MGST1: variants seen among roughly 807,000 people sequenced by gnomAD.
MGST1 encodes glutathione S-transferase 12.
In MGST1, 5 loss-of-function variants were observed where a neutral mutation model predicts 8.9. The observed-to-expected ratio is 0.56, with a 90% CI of 0.29 to 1.19. The LOEUF is 1.19. MGST1 is among the 50% of genes most tolerant of loss of function. The pLI, the probability that MGST1 is intolerant of heterozygous loss-of-function variation, is 0.08. For missense variants in MGST1, 182 were observed against 187.4 expected (o/e 0.97, Z 0.17); for synonymous variants, 54 against 67.8 (o/e 0.80, Z 1.00).
At chr12:16,408,243 G>A (rs540243862) in intron 1 of MGST1, among the ~76,000 whole-genome samples, 1 of 151,866 alleles carries the variant, frequency 6.6e-6, no homozygotes, top group African/African-American at 2.4e-5. Context: ...AGGAGGGAGA[G>A]AAGCAAAAAA....
chr12:16,421,163 G>C (rs984754630), intron 1 of MGST1, among the ~76,000 whole-genome samples: 1 of 152,132 alleles, frequency 6.6e-6, no homozygotes, highest in African/African-American at 2.4e-5. Flanking sequence ...ACCCGTGGCT[G>C]CTGCACATAT....
chr12:16,469,095 G>T (rs1941274608), intron 4 of MGST1, among the ~76,000 whole-genome samples: 1 of 151,672 alleles, frequency 6.6e-6, no homozygotes, highest in Non-Finnish European at 1.5e-5. Context: ...CATTTTATTT[G>T]AGTGAGATTG....
chr12:16,399,532 A>C, intron 1 of MGST1: 1 of 1,561,102 alleles, frequency 6.4e-7, no homozygotes, highest in Non-Finnish European at 8.8e-7. Flanking sequence ...GCTTCTGATG[A>C]ATAATCTTCA....
intron 4 of MGST1, among the ~76,000 whole-genome samples, chr12:16,565,885 T>G (rs1942579633): frequency 6.7e-6 from 1 of 149,944 alleles, no homozygotes; most frequent in Non-Finnish European, 1.5e-5. Flanking sequence ...TGAAGAGATA[T>G]CTGCACTCTC....
chr12:16,480,929 A>C (rs1489533419), intron 4 of MGST1, among the ~76,000 whole-genome samples: 1 of 152,216 alleles, frequency 6.6e-6, no homozygotes, highest in East Asian at 1.9e-4. Context: ...AAACAAAAAA[A>C]CAAAAAATTA....
At chr12:16,457,331 T>C (rs1297328641) in intron 4 of MGST1, among the ~76,000 whole-genome samples, 1 of 151,920 alleles carries the variant, frequency 6.6e-6, no homozygotes, top group Non-Finnish European at 1.5e-5. Flanking sequence ...AACTTAGGAG[T>C]GTGCTCTAAA....
At position 16,458,933 on chromosome 12, in the gene MGST1, A is replaced by T. The variant is rs1941198913; in HGVS notation, n.482+75329A>T. On this transcript the variant is annotated intron_variant and non_coding_transcript_variant, in intron 4 of 4. Transcript: ENST00000538857. The surrounding 1 kb of genome is among the most constrained non-coding windows in gnomAD (Gnocchi z 4.0). Reference sequence around the variant, plus strand: ...GCTGAGAGCAGGGAATTCTTACAGAAATCTAAGTAGTTCCAAGCTATCTGA... The same window carrying T: ...GCTGAGAGCAGGGAATTCTTACAGATATCTAAGTAGTTCCAAGCTATCTGA... Among the ~76,000 whole-genome samples the T allele has an allele frequency of 1.3e-5, 2 of 152,014 alleles. No individual in the cohort carries two copies. Among genetic ancestry groups the T allele is most frequent in the South Asian group, 4.1e-4 (2 of 4,820 alleles).
intron 4 of MGST1, among the ~76,000 whole-genome samples, chr12:16,570,676 C>T (rs566256033): frequency 1.2e-4 from 18 of 152,236 alleles, no homozygotes; most frequent in South Asian, 2.1e-4. Context: ...GAAACACGAA[C>T]GAGTGATTGG....
intron 1 of MGST1, among the ~76,000 whole-genome samples, chr12:16,403,089 G>T (rs1402926232): frequency 6.6e-6 from 1 of 151,450 alleles, no homozygotes; most frequent in Non-Finnish European, 1.5e-5. Flanking sequence ...ATCATTTTTA[G>T]CCTTTCAACT....
chr12:16,531,860 A>G (rs1481345497), intron 4 of MGST1, among the ~76,000 whole-genome samples: 2 of 152,166 alleles, frequency 1.3e-5, no homozygotes, highest in African/African-American at 4.8e-5. Context: ...ATCAGTATAA[A>G]GAGCAAGTAT....
intron 3 of MGST1, among the ~76,000 whole-genome samples, chr12:16,372,631 G>T (rs549749838): frequency 3.9e-5 from 6 of 151,992 alleles, no homozygotes; most frequent in African/African-American, 1.4e-4. Flanking sequence ...ATTTCTCAAA[G>T]AATTAAAAAT....
At chr12:16,488,553 G>T (rs1050115797) in intron 4 of MGST1, among the ~76,000 whole-genome samples, 4 of 151,932 alleles carry the variant, frequency 2.6e-5, no homozygotes, top group Non-Finnish European at 5.9e-5. Context: ...AGTCTTTCTT[G>T]TTTACTTTCC....
intron 3 of MGST1, among the ~76,000 whole-genome samples, chr12:16,372,902 A>G (rs1940318530): frequency 1.4e-5 from 2 of 140,958 alleles, no homozygotes; most frequent in South Asian, 4.5e-4. Context: ...AGTATATTAT[A>G]TATTACATAT....
Position 16,587,273 on chromosome 12 carries a change from C to T in MGST1, n.483-2255C>T, listed in dbSNP as rs1442937828. On this transcript the variant is annotated intron_variant and non_coding_transcript_variant, in intron 4 of 4. Coordinates refer to the MGST1 transcript ENST00000538857. This position sits in a 1 kb window ranked among gnomAD's most constrained non-coding sequence, Gnocchi z 4.3. Reference sequence around the variant, plus strand: ...CATTTTAAGAAAATCACTGGGTGTGCCTAGGATCCAATGCTAACAATTTGT... The same window carrying T: ...CATTTTAAGAAAATCACTGGGTGTGTCTAGGATCCAATGCTAACAATTTGT... Among the ~76,000 whole-genome samples the T allele has an allele frequency of 6.6e-6, 1 of 152,104 alleles. No homozygotes were observed. The highest frequency in any genetic ancestry group is 1.5e-5 in the Non-Finnish European group (1 of 68,010).
chr12:16,414,520 A>G (rs1022640125), intron 1 of MGST1, among the ~76,000 whole-genome samples: 1 of 151,554 alleles, frequency 6.6e-6, no homozygotes, highest in African/African-American at 2.4e-5. Flanking sequence ...GGTTCACACC[A>G]TTCTCCTGCC....
Position 16,526,142 on chromosome 12 carries a change from A to C in MGST1, n.483-63386A>C, listed in dbSNP as rs1388276118. Among the ~76,000 whole-genome samples, 4 of 149,258 alleles carry C rather than the reference A, an allele frequency of 2.7e-5. No homozygotes were observed. In the East Asian group the frequency reaches 5.9e-4, roughly 22 times the overall value. On this transcript the variant is annotated intron_variant and non_coding_transcript_variant, in intron 4 of 4. Transcript: ENST00000538857. ...TTCTTTTGCTGTGCAGAAGCTCTTT[A>C]GTTTAATTAGATCCCATTTGTCAAT...
At chr12:16,502,646 A>G (rs1207595349) in intron 4 of MGST1, among the ~76,000 whole-genome samples, 1 of 152,216 alleles carries the variant, frequency 6.6e-6, no homozygotes, top group Non-Finnish European at 1.5e-5. Context: ...GTACGTATCA[A>G]AAAACACTGA....
Position 16,560,663 on chromosome 12 carries a change from G to T in MGST1, n.483-28865G>T. ...ACAATGCTTTATGATGTACACAAGT[G>T]GATTTTATCCTAGGTGTATGCATAA... On this transcript the variant is annotated intron_variant and non_coding_transcript_variant, in intron 4 of 4. Coordinates refer to the MGST1 transcript ENST00000538857. This position sits in a 1 kb window ranked among gnomAD's most constrained non-coding sequence, Gnocchi z 5.0. 1.2e-6 allele frequency: 1 copy of T among 832,636 alleles called. No individual in the cohort carries two copies. The highest frequency in any genetic ancestry group is 1.9e-6 in the Non-Finnish European group (1 of 530,212). 51.6% of individuals were successfully genotyped at this position (832,636 alleles called of 1,614,324 possible).
At chr12:16,359,443 T>TAG (rs1939886744) in intron 3 of MGST1, among the ~76,000 whole-genome samples, 1 of 152,218 alleles carries the variant, frequency 6.6e-6, no homozygotes, top group Non-Finnish European at 1.5e-5. Context: ...CTATCTCACT[T>TAG]AGTTATATAC....
Sources: gnomAD v4.1 joint callset for allele counts (sites outside exome capture counted in the v4.1 genomes callset) on GRCh38, gnomAD v4.1.1 for gene constraint, Gnocchi (gnomAD v3.1) non-coding constraint, MANE v1.5 for transcripts, NCBI Gene and HGNC (gene_info 2026-07-23, HGNC 2026-07-21) for gene names.